Variants in RGS5 observed in about 807,000 individuals in gnomAD.
RGS5 encodes regulator of G-protein signalling 5.
A neutral mutation model predicts 18.9 loss-of-function variants in RGS5; 20 were observed. The ratio of observed to expected loss-of-function variants is 1.06; its 90% CI spans 0.74 to 1.54. The LOEUF (loss-of-function observed/expected upper bound fraction) is 1.54, where lower values mean the gene tolerates loss of function less well. Among genes scored for constraint, RGS5 ranks in the 40% most tolerant of loss-of-function variants. The probability of loss-of-function intolerance (pLI) is 0.00; values close to 1 mark genes in which losing one functional copy is unlikely to be tolerated. For synonymous variants in RGS5, 57 were observed against 76.2 expected, an observed-to-expected ratio of 0.75 and a Z score of 1.31; for missense variants, 201 against 211.8, an observed-to-expected ratio of 0.95 and a Z score of 0.32.
intron 4 of RGS5, among the ~76,000 whole-genome samples, chr1:163,149,806 AG>A (rs1355426855): frequency 6.6e-6 from 1 of 152,208 alleles, no homozygotes; most frequent in Non-Finnish European, 1.5e-5. Flanking sequence ...GGTCTTATAT[AG>A]GTCAATTTCA....
intron 1 of RGS5, among the ~76,000 whole-genome samples, chr1:163,198,246 G>A (rs1659646293): frequency 6.6e-6 from 1 of 152,070 alleles, no homozygotes; most frequent in South Asian, 2.1e-4. Flanking sequence ...TATGGCTTCT[G>A]AAATTCCTAG....
chr1:163,208,724 G>T (rs1660025591), intron 1 of RGS5, among the ~76,000 whole-genome samples: 1 of 151,632 alleles, frequency 6.6e-6, no homozygotes, highest in African/African-American at 2.4e-5. Flanking sequence ...ATATAACAAA[G>T]GTAAATACTT....
chr1:163,242,313 A>G (rs1050377506), intron 2 of RGS5, among the ~76,000 whole-genome samples: 1 of 152,194 alleles, frequency 6.6e-6, no homozygotes, highest in Non-Finnish European at 1.5e-5. Flanking sequence ...TATAAAAATA[A>G]ATAACATTGG....
intron 2 of RGS5, among the ~76,000 whole-genome samples, chr1:163,232,839 T>A (rs888224444): frequency 2.0e-5 from 3 of 152,186 alleles, no homozygotes; most frequent in Admixed American, 6.5e-5. Flanking sequence ...AATTTTCCAG[T>A]ATGAAGTACA....
chr1:163,313,669 C>T (rs1238832799), intron 1 of RGS5, among the ~76,000 whole-genome samples: 1 of 152,158 alleles, frequency 6.6e-6, no homozygotes, highest in Non-Finnish European at 1.5e-5. Flanking sequence ...TAAACCCTTC[C>T]CCACAGAACT....
intron 3 of RGS5, among the ~76,000 whole-genome samples, chr1:163,153,741 T>C (rs1657471053): frequency 6.6e-6 from 1 of 151,678 alleles, no homozygotes; most frequent in African/African-American, 2.4e-5. Flanking sequence ...TATAAAACTA[T>C]GTATATGTAA....
intron 3 of RGS5, among the ~76,000 whole-genome samples, chr1:163,156,342 C>CA (rs1453474416): frequency 6.6e-6 from 1 of 151,998 alleles, no homozygotes; most frequent in African/African-American, 2.4e-5. Context: ...TTATGTAGCT[C>CA]AATACATGTT....
upstream of RGS5, among the ~76,000 whole-genome samples, chr1:163,203,855 G>A (rs16850581): frequency 6.6e-6 from 1 of 151,712 alleles, no homozygotes; most frequent in African/African-American, 2.4e-5. Flanking sequence ...AAATTTACCT[G>A]AATTGTGTCT....
chr1:163,155,931 G>A (rs1426540813), intron 3 of RGS5, among the ~76,000 whole-genome samples: 4 of 152,068 alleles, frequency 2.6e-5, no homozygotes, highest in Admixed American at 6.6e-5. Flanking sequence ...TCCAGAGTTC[G>A]CCCTAATGAA....
intron 2 of RGS5, among the ~76,000 whole-genome samples, chr1:163,299,200 G>A (rs1216718013): frequency 6.6e-6 from 1 of 152,202 alleles, no homozygotes; most frequent in African/African-American, 2.4e-5. Flanking sequence ...TATACAGGAG[G>A]AGTAAATTTG....
At chr1:163,285,341 G>A (rs1649114876) in intron 2 of RGS5, among the ~76,000 whole-genome samples, 1 of 152,086 alleles carries the variant, frequency 6.6e-6, no homozygotes. Context: ...GATCACTTGA[G>A]GTCAGGAGTT....
At chr1:163,189,167 G>C (rs1659235556) in intron 1 of RGS5, among the ~76,000 whole-genome samples, 1 of 152,144 alleles carries the variant, frequency 6.6e-6, no homozygotes, top group Non-Finnish European at 1.5e-5. Flanking sequence ...AATGCTGTGG[G>C]TAAGAAAGCA....
upstream of RGS5, chr1:163,217,762 T>C: frequency 4.5e-6 from 4 of 894,720 alleles, no homozygotes; most frequent in Non-Finnish European, 6.3e-6. Flanking sequence ...AATTCTACCA[T>C]TGTGCGAAAC....
At chr1:163,226,668 A>C (rs777830478) in intron 2 of RGS5, among the ~76,000 whole-genome samples, 4 of 152,234 alleles carry the variant, frequency 2.6e-5, no homozygotes, top group Admixed American at 6.5e-5. Context: ...AACTATGGGT[A>C]CAAAGAACTA....
chr1:163,254,337 G>C (rs1648207807), intron 2 of RGS5, among the ~76,000 whole-genome samples: 1 of 151,952 alleles, frequency 6.6e-6, no homozygotes, highest in Non-Finnish European at 1.5e-5. Context: ...TTTAATGATT[G>C]CCATTCTAAC....
upstream of RGS5, among the ~76,000 whole-genome samples, chr1:163,219,000 A>C (rs573835910): frequency 6.6e-6 from 1 of 152,250 alleles, no homozygotes; most frequent in Admixed American, 6.5e-5. Context: ...TTGCTGGGAG[A>C]CTGGAATTCT....
rs117382755 is a variant in RGS5 at position 163,161,639 on chromosome 1, C to T, written c.217+276G>A. The stretch of plus-strand genomic sequence containing the variant: ...TGTTGAGGAGGTCAAGCCACTTGTT[C>T]TGGCTCATGCAAGTAAGCAGGACAG... On this transcript the variant is annotated intron_variant, in intron 3 of 4. Coordinates refer to ENST00000313961, the MANE Select transcript of RGS5 (RefSeq NM_003617.4). 433 of 319,104 alleles carry T rather than the reference C, an allele frequency of 1.4e-3. 8 individuals are homozygous for T. The East Asian group carries it at 0.024, about 18-fold the overall frequency. 19.8% of individuals were successfully genotyped at this position (319,104 alleles called of 1,614,324 possible). A position where few individuals can be genotyped will look rare whatever the true frequency, so the allele number is the denominator to read the frequency against.
chr1:163,253,774 A>G lies in RGS5; in HGVS notation c.-281+52459T>C, dbSNP rs563657868. Among the ~76,000 whole-genome samples the G allele has an allele frequency of 1.2e-4, 18 of 151,280 alleles. No individual in the cohort carries two copies. In the South Asian group the frequency reaches 3.8e-3, roughly 32 times the overall value. ...ATTAACTCGTCATTTAGCATTAGGT[A>G]TATCTCCTAAAGCTATCCCTCCCCC... On this transcript the variant is annotated intron_variant, in intron 2 of 5. Transcript: ENST00000618415.
rs59080668 is a variant in RGS5, at chr1:163,231,754, T to TAA, written c.-280-63388_-280-63387dup. Among the ~76,000 whole-genome samples the TAA allele has an allele frequency of 2.1e-4, 28 of 133,358 alleles. 2 individuals carry two copies. The highest frequency in any genetic ancestry group is 7.5e-4 in the Admixed American group (10 of 13,284). The allele number at this position is 133,358 out of a possible 152,430, so 87.5% of individuals were successfully genotyped here. A position where few individuals can be genotyped will look rare whatever the true frequency, so the allele number is the denominator to read the frequency against. On this transcript the variant is annotated intron_variant, in intron 2 of 5. Transcript: ENST00000618415. ...CCTGGGAAGAAACAAGTGGTAAAAT[T>TAA]AAAAAAAAAAAAAAAAGGCTAAATA... is the stretch of plus-strand genomic sequence containing the variant.
Sources: allele counts gnomAD v4.1 joint callset (sites outside exome capture counted in the v4.1 genomes callset), GRCh38; gene constraint gnomAD v4.1.1; transcripts MANE v1.5; gene names NCBI Gene and HGNC (gene_info 2026-07-23, HGNC 2026-07-21).